The following SGK3 variants were observed in gnomAD, a reference collection of about 807,000 sequenced individuals.
SGK3 encodes serum/glucocorticoid regulated kinase family member 3, also known as serine/threonine-protein kinase Sgk3.
Under a neutral mutation model 68.5 loss-of-function variants are expected in SGK3, and 47 were observed. The ratio of observed to expected loss-of-function variants is 0.69; its 90% confidence interval spans 0.54 to 0.87. SGK3 has a LOEUF of 0.87. Among genes scored for constraint, SGK3 ranks in the 40% least tolerant of loss-of-function variants. The probability of loss-of-function intolerance (pLI) is 0.00; values close to 1 mark genes in which losing one functional copy is unlikely to be tolerated. For synonymous variants in SGK3, 181 were observed against 189.1 expected (o/e 0.96, Z 0.35); for missense variants, 479 against 575.5 (o/e 0.83, Z 1.72).
chr8:66,725,341 G>A (rs940034731), intron 1 of SGK3, among the ~76,000 whole-genome samples: 6 of 152,016 alleles, frequency 3.9e-5, no homozygotes, highest in East Asian at 1.9e-4. Context: ...GATGGAGGTT[G>A]TAGTGAGCCG....
At chr8:66,794,247 AT>A (rs1185029864) in intron 2 of SGK3, among the ~76,000 whole-genome samples, 2 of 152,056 alleles carry the variant, frequency 1.3e-5, no homozygotes, top group South Asian at 2.1e-4. Flanking sequence ...TCAGTATTTT[AT>A]TTTTTTCACC....
At chr8:66,815,955 G>C (rs1808557053) in intron 5 of SGK3, among the ~76,000 whole-genome samples, 1 of 152,118 alleles carries the variant, frequency 6.6e-6, no homozygotes, top group African/African-American at 2.4e-5. Context: ...TTCCATTCAT[G>C]ATAGAAGATA....
intron 4 of SGK3, among the ~76,000 whole-genome samples, chr8:66,809,485 T>C (rs538509968): frequency 6.6e-6 from 1 of 152,242 alleles, no homozygotes; most frequent in East Asian, 1.9e-4. Context: ...TGAAAGTAAT[T>C]ATCATAGCAG....
At chr8:66,721,404 TTTCTC>T (rs1268635302) in intron 1 of SGK3, among the ~76,000 whole-genome samples, 1 of 152,222 alleles carries the variant, frequency 6.6e-6, no homozygotes, top group African/African-American at 2.4e-5. Flanking sequence ...AGTTCTGTCT[TTTCTC>T]TATCCCACTC....
intron 1 of SGK3, chr8:66,767,709 T>C: frequency 6.7e-7 from 1 of 1,488,166 alleles, no homozygotes; most frequent in Middle Eastern, 1.7e-4. Flanking sequence ...AGTTTTTTGC[T>C]TTAACAGTCT....
At chr8:66,715,449 G>A (rs970076638) in intron 1 of SGK3, among the ~76,000 whole-genome samples, 1 of 151,976 alleles carries the variant, frequency 6.6e-6, no homozygotes, top group Admixed American at 6.6e-5. Context: ...GTAGAGACAG[G>A]GTTTCACCAT....
At chr8:66,792,110 A>G (rs188378314) in intron 1 of SGK3, among the ~76,000 whole-genome samples, 333 of 152,236 alleles carry the variant, frequency 2.2e-3, no homozygotes, top group African/African-American at 7.2e-3. Flanking sequence ...CAGGTGGATC[A>G]CCTAAGGTCA....
At chr8:66,737,904 C>T (rs188329066) in intron 1 of SGK3, among the ~76,000 whole-genome samples, 24 of 152,212 alleles carry the variant, frequency 1.6e-4, no homozygotes, top group Non-Finnish European at 3.1e-4. Context: ...GCATGAGCCA[C>T]CGCACCCAGC....
chr8:66,827,111 G>T (rs1809092174), intron 6 of SGK3, among the ~76,000 whole-genome samples: 1 of 151,996 alleles, frequency 6.6e-6, no homozygotes, highest in Non-Finnish European at 1.5e-5. Context: ...GCCTGGTGCG[G>T]TGGCTCACGC....
rs375644234 is a variant in SGK3, at chr8:66,834,919, G to A, written c.526-844G>A. Among the ~76,000 whole-genome samples the A allele has an allele frequency of 4.7e-3, 659 of 140,992 alleles. 17 individuals carry two copies. Among genetic ancestry groups the A allele is most frequent in the Admixed American group, 0.035 (475 of 13,640 alleles). The allele number at this position is 140,992 out of a possible 152,430, so 92.5% of individuals were successfully genotyped here. ...CGCGCCACTGCACTCCAGCCTGGGC[G>A]ACAGAGCAAGACTCTGTCTCAAAAA... On this transcript the variant is annotated intron_variant, in intron 8 of 16. Transcript: ENST00000521198.
chr8:66,847,370 T>A (rs1389987190), intron 15 of SGK3, 22 bp downstream of exon 15: 1 of 1,607,534 alleles, frequency 6.2e-7, no homozygotes, highest in Admixed American at 1.7e-5. Flanking sequence ...CTTTTCTAGC[T>A]CCAGCTTTAT....
intron 1 of SGK3, among the ~76,000 whole-genome samples, chr8:66,789,530 G>T (rs924086031): frequency 6.6e-6 from 1 of 152,132 alleles, no homozygotes; most frequent in African/African-American, 2.4e-5. Context: ...CACAGGATGG[G>T]CCTATGGTCC....
intron 1 of SGK3, among the ~76,000 whole-genome samples, chr8:66,792,145 C>T (rs1004174819): frequency 1.3e-5 from 2 of 151,980 alleles, no homozygotes; most frequent in Non-Finnish European, 2.9e-5. Flanking sequence ...GCCTGACCAA[C>T]ATGGAGAAAC....
chr8:66,740,495 G>A lies in SGK3; in HGVS notation c.-122+27662G>A, dbSNP rs561626010. Among the ~76,000 whole-genome samples the A allele has an allele frequency of 8.5e-5, 13 of 152,200 alleles. No homozygotes were observed. In the South Asian group the frequency reaches 1.5e-3, roughly 17 times the overall value. On this transcript the variant is annotated intron_variant, in intron 1 of 16. Coordinates refer to ENST00000521198, the MANE Select transcript of SGK3 (RefSeq NM_001033578.3). ...TTATTATAATATAGTGCAGTTCATG[G>A]AACATAGTAACACCTCAAATATATT...
chr8:66,725,116 C>G (rs557126570), intron 1 of SGK3, among the ~76,000 whole-genome samples: 1 of 152,196 alleles, frequency 6.6e-6, no homozygotes, highest in African/African-American at 2.4e-5. Flanking sequence ...GTAGTCCCAG[C>G]TACTCAGGAG....
chr8:66,713,933 A>G (rs1804564843), intron 1 of SGK3, among the ~76,000 whole-genome samples: 1 of 152,138 alleles, frequency 6.6e-6, no homozygotes, highest in Non-Finnish European at 1.5e-5. Context: ...CCCTGGGGTA[A>G]GGGAGCCTGG....
At chr8:66,768,260 A>T (rs932728187) in intron 1 of SGK3, among the ~76,000 whole-genome samples, 3 of 152,156 alleles carry the variant, frequency 2.0e-5, no homozygotes, top group African/African-American at 4.8e-5. Context: ...TTAAATTATT[A>T]AAAAATCAAA....
chr8:66,746,225 A>G (rs1365166602), intron 1 of SGK3, among the ~76,000 whole-genome samples: 1 of 151,584 alleles, frequency 6.6e-6, no homozygotes, highest in African/African-American at 2.4e-5. Flanking sequence ...TCGCCCTCCA[A>G]CCTCTGCCTG....
At chr8:66,785,557 C>T (rs1037366555) in intron 1 of SGK3, among the ~76,000 whole-genome samples, 4 of 152,132 alleles carry the variant, frequency 2.6e-5, no homozygotes, top group African/African-American at 4.8e-5. Flanking sequence ...GACCACCGCC[C>T]GCCACTCCCC....
Sources: allele counts gnomAD v4.1 joint callset (sites outside exome capture counted in the v4.1 genomes callset), GRCh38; gene constraint gnomAD v4.1.1; transcripts MANE v1.5; gene names NCBI Gene and HGNC (gene_info 2026-07-23, HGNC 2026-07-21).